ENG: variants seen among roughly 807,000 people sequenced by gnomAD.
ENG encodes CD105 antigen.
Under a neutral mutation model 71.0 loss-of-function variants are expected in ENG, and 17 were observed. That is an observed-to-expected ratio of 0.24 (90% CI 0.16 to 0.36). The LOEUF (loss-of-function observed/expected upper bound fraction) is 0.36, where lower values mean the gene tolerates loss of function less well. ENG is among the 10% of genes least tolerant of loss of function. ENG has a pLI of 1.00. For missense variants in ENG, 749 were observed against 868.3 expected, an observed-to-expected ratio of 0.86 and a Z score of 1.73; for synonymous variants, 360 against 366.9, an observed-to-expected ratio of 0.98 and a Z score of 0.21.
At chr9:127,830,783 G>A (rs912430157) in intron 2 of ENG, among the ~76,000 whole-genome samples, 8 of 151,972 alleles carry the variant, frequency 5.3e-5, no homozygotes, top group African/African-American at 1.2e-4. Context: ...CTGCCCCATC[G>A]TCCCCACCAC....
At chr9:127,851,761 C>T (rs1251836397) in intron 1 of ENG, among the ~76,000 whole-genome samples, 3 of 151,886 alleles carry the variant, frequency 2.0e-5, no homozygotes, top group Non-Finnish European at 4.4e-5. Flanking sequence ...GCCTGTAGTC[C>T]CAGCTACTCG....
chr9:127,833,024 T>A (rs1305947410), intron 2 of ENG, among the ~76,000 whole-genome samples: 1 of 152,190 alleles, frequency 6.6e-6, no homozygotes, highest in Non-Finnish European at 1.5e-5. Flanking sequence ...CCCAAAGTGC[T>A]AGGATTATAG....
chr9:127,825,940 G>T, intron 4 of ENG, 80 bp from the exon 5 acceptor site: 2 of 1,528,450 alleles, frequency 1.3e-6, no homozygotes, highest in Non-Finnish European at 1.8e-6. Context: ...CACAGCCAAA[G>T]ATAGTGGTGG....
chr9:127,818,780 T>G lies in ENG; in HGVS notation c.1364A>C (p.Tyr455Ser), dbSNP rs1166244239. The G allele has an allele frequency of 6.2e-7, 1 of 1,613,630 alleles. No homozygotes were observed. Among genetic ancestry groups the G allele is most frequent in the Non-Finnish European group, 8.5e-7 (1 of 1,179,920 alleles). ...MDSLSFQLGL[Y>S]LSPHFLQASN... is the part of the protein sequence containing the mutation. ...GGCCTGGAGGAAGTGTGGGCTGAGG[T>G]AGAGGCCCAGCTGGAAAGAGAGGCT... Residue 455 changes from tyrosine to serine, a missense_variant, in exon 11 of 15, where the codon TAC (tyrosine) becomes TCC (serine). Coordinates refer to ENST00000373203, the MANE Select transcript of ENG (RefSeq NM_001114753.3).
chr9:127,834,141 C>T (rs4615691), intron 2 of ENG, among the ~76,000 whole-genome samples: 3,020 of 152,160 alleles, frequency 0.02, 93 homozygotes, highest in African/African-American at 0.069. Context: ...GGCATGATCT[C>T]GGCTCACTGC....
At chr9:127,853,253 CAGGTGGGG>C (rs1316925414) in intron 1 of ENG, among the ~76,000 whole-genome samples, 1 of 152,118 alleles carries the variant, frequency 6.6e-6, no homozygotes, top group Non-Finnish European at 1.5e-5. Flanking sequence ...AAAATGCCAT[CAGGTGGGG>C]AGGTGGGGAG....
rs1830607536 is a variant in ENG at position 127,826,013 on chromosome 9, TC to T, written c.524-154del. On this transcript the variant is annotated intron_variant, in intron 4 of 14. Coordinates refer to ENST00000373203, the MANE Select transcript of ENG (RefSeq NM_001114753.3). ...AGAGGACCTAGGTTCGAACTTCCCT[TC>T]CACCACTCACCTGCCAAGTGACCCT... 2.0e-5 allele frequency among the ~76,000 whole-genome samples: 3 copies of T among 152,108 alleles called. No homozygotes were observed. The South Asian group carries it at 6.2e-4, about 31-fold the overall frequency.
In ENG at chr9:127,846,979, G is replaced by C; in HGVS notation, c.68-3734C>G. 1 of 984,004 alleles carries C rather than the reference G, an allele frequency of 1.0e-6. No individual in the cohort carries two copies. 61.0% of individuals were successfully genotyped at this position (984,004 alleles called of 1,614,324 possible). A position where few individuals can be genotyped will look rare whatever the true frequency, so the allele number is the denominator to read the frequency against. On this transcript the variant is annotated intron_variant, in intron 1 of 14. Transcript: ENST00000373203. This position sits in a 1 kb window ranked among gnomAD's most constrained non-coding sequence, Gnocchi z 5.5. Reference sequence around the variant, plus strand: ...ATCAAGAAAAACAGCTCTGGAGCCAGATGGCCTGGATCAAATCCCAGCTCT... The same window carrying C: ...ATCAAGAAAAACAGCTCTGGAGCCACATGGCCTGGATCAAATCCCAGCTCT...
chr9:127,829,563 T>C (rs1452394407), intron 3 of ENG, 124 bp downstream of exon 3: 5 of 1,323,058 alleles, frequency 3.8e-6, no homozygotes, highest in Non-Finnish European at 4.2e-6. Flanking sequence ...TGGTGAATAA[T>C]GTCAAGATGA....
chr9:127,846,305 C>G lies in ENG; in HGVS notation c.68-3060G>C, dbSNP rs963497207. Among the ~76,000 whole-genome samples, 5 of 152,210 alleles carry G rather than the reference C, an allele frequency of 3.3e-5. No individual in the cohort carries two copies. Among genetic ancestry groups the G allele is most frequent in the Admixed American group, 6.5e-5 (1 of 15,284 alleles). On this transcript the variant is annotated intron_variant, in intron 1 of 14. Transcript: ENST00000373203. The surrounding 1 kb of genome is among the most constrained non-coding windows in gnomAD (Gnocchi z 5.5). ...TGTTACCTAGCTTAAGCCCCTCCTA[C>G]TCAGATGGGGAGACTGAGGTCTGGA...
At position 127,840,147 on chromosome 9, in the gene ENG, G is replaced by A. The variant is rs534240851; in HGVS notation, c.219+2947C>T. Among the ~76,000 whole-genome samples, 46 of 152,346 alleles carry A rather than the reference G, an allele frequency of 3.0e-4. No individual in the cohort carries two copies. The South Asian group carries it at 8.7e-3, about 29-fold the overall frequency. On this transcript the variant is annotated intron_variant, in intron 2 of 14. Coordinates refer to ENST00000373203, the MANE Select transcript of ENG (RefSeq NM_001114753.3). ...GTTTCCCGTGGGAAAATCAAAGCTCGGAGGTGGCCCAAGGCGATGTGGCTC... is the reference window on the plus strand; with the variant it reads ...GTTTCCCGTGGGAAAATCAAAGCTCAGAGGTGGCCCAAGGCGATGTGGCTC...
At chr9:127,849,755 T>G (rs918866686) in intron 1 of ENG, among the ~76,000 whole-genome samples, 7 of 152,172 alleles carry the variant, frequency 4.6e-5, no homozygotes, top group African/African-American at 1.7e-4. Context: ...TCCTCTCCAC[T>G]GTGGCAGCAC....
intron 2 of ENG, among the ~76,000 whole-genome samples, chr9:127,835,054 T>G (rs925874747): frequency 6.6e-6 from 1 of 152,032 alleles, no homozygotes; most frequent in African/African-American, 2.4e-5. Flanking sequence ...CAGGCTGGAG[T>G]ACAGTGGCGT....
At chr9:127,818,536 G>C in intron 11 of ENG, 159 bp from the exon 12 acceptor site, 1 of 1,415,396 alleles carries the variant, frequency 7.1e-7, no homozygotes, top group Admixed American at 1.9e-5. Context: ...GGAGGACAGG[G>C]CCACATCCTT....
intron 8 of ENG, among the ~76,000 whole-genome samples, chr9:127,823,550 G>A (rs1470465517): frequency 5.3e-5 from 8 of 151,532 alleles, no homozygotes; most frequent in South Asian, 2.1e-4. Context: ...CACCACACCC[G>A]GTTAATTTTT....
At chr9:127,853,027 C>A (rs544799976) in intron 1 of ENG, among the ~76,000 whole-genome samples, 21 of 152,254 alleles carry the variant, frequency 1.4e-4, no homozygotes, top group Non-Finnish European at 2.4e-4. Context: ...TCCCTTTTCT[C>A]TTCTGTAAAA....
chr9:127,843,374 G>A (rs535335419), intron 1 of ENG, 129 bp from the exon 2 acceptor site: 10 of 1,187,396 alleles, frequency 8.4e-6, no homozygotes, highest in Non-Finnish European at 1.2e-5. Flanking sequence ...GCCACCTTAT[G>A]AGGTGGATAT....
chr9:127,826,788 C>G (rs939906581), intron 3 of ENG, 116 bp from the exon 4 acceptor site: 1 of 1,369,792 alleles, frequency 7.3e-7, no homozygotes, highest in Non-Finnish European at 1.0e-6. Flanking sequence ...AGAAAGAGGC[C>G]GGAGCTGAGA....
rs1385728237 is a variant in ENG at position 127,819,654 on chromosome 9, C to T, written c.1279G>A (p.Val427Ile). 10 of 1,610,324 alleles carry T rather than the reference C, an allele frequency of 6.2e-6. No homozygotes were observed. Among genetic ancestry groups the T allele is most frequent in the Non-Finnish European group, 7.6e-6 (9 of 1,178,420 alleles). The change falls in exon 10 of 15, where the codon GTC (valine) becomes ATC (isoleucine). Residue 427 changes from valine to isoleucine, a missense_variant. Coordinates refer to ENST00000373203, the MANE Select transcript of ENG (RefSeq NM_001114753.3). ...GGTGATGAGCTCGACAGGATATTGA[C>T]CACCGCCTGCGGGGATAAAGCCAGG... ...SASMISNEAV[V>I]NILSSSSPQR...
Sources: allele counts gnomAD v4.1 joint callset (sites outside exome capture counted in the v4.1 genomes callset), GRCh38; gene constraint gnomAD v4.1.1; non-coding constraint Gnocchi (gnomAD v3.1); transcripts MANE v1.5; gene names NCBI Gene and HGNC (gene_info 2026-07-23, HGNC 2026-07-21).